WWOX: variants seen among roughly 807,000 people sequenced by gnomAD.
WWOX encodes the protein WW domain-containing oxidoreductase.
Under a neutral mutation model 46.2 loss-of-function variants are expected in WWOX, and 69 were observed. The ratio of observed to expected loss-of-function variants is 1.49; its 90% CI spans 1.23 to 1.82. WWOX has a LOEUF of 1.82. Among genes scored for constraint, WWOX ranks in the 40% most tolerant of loss-of-function variants. WWOX has a pLI of 0.00. For missense variants in WWOX, 919 were observed against 542.6 expected, an observed-to-expected ratio of 1.69 and a Z score of -6.89; for synonymous variants, 359 against 202.6, an observed-to-expected ratio of 1.77 and a Z score of -6.56.
chr16:78,690,728 T>C (rs2047966164), intron 8 of WWOX, among the ~76,000 whole-genome samples: 1 of 152,206 alleles, frequency 6.6e-6, no homozygotes, highest in African/African-American at 2.4e-5. Flanking sequence ...GATGCATGTA[T>C]GAATAAACTT....
intron 8 of WWOX, among the ~76,000 whole-genome samples, chr16:78,449,782 C>A (rs1285322204): frequency 6.6e-6 from 1 of 152,114 alleles, no homozygotes; most frequent in Non-Finnish European, 1.5e-5. Flanking sequence ...TATTTGCTTT[C>A]ATGTTGCTTT....
intron 6 of WWOX, among the ~76,000 whole-genome samples, chr16:78,402,688 C>G (rs1336498416): frequency 6.6e-6 from 1 of 152,180 alleles, no homozygotes; most frequent in African/African-American, 2.4e-5. Context: ...CAACAAGAGA[C>G]AAGGTGTTAC....
At chr16:78,999,393 C>T (rs1313849879) in intron 8 of WWOX, among the ~76,000 whole-genome samples, 3 of 152,132 alleles carry the variant, frequency 2.0e-5, no homozygotes, top group African/African-American at 4.8e-5. Flanking sequence ...TCGCTTCAAC[C>T]CAGAAGGCGG....
chr16:78,746,927 C>T (rs542631622), intron 8 of WWOX, among the ~76,000 whole-genome samples: 2 of 152,206 alleles, frequency 1.3e-5, no homozygotes, highest in South Asian at 4.1e-4. Context: ...CACCACTCCC[C>T]ATCCCTAGTG....
chr16:78,608,292 G>C (rs190487580), intron 8 of WWOX, among the ~76,000 whole-genome samples: 2 of 152,174 alleles, frequency 1.3e-5, no homozygotes, highest in African/African-American at 2.4e-5. Context: ...TAAAAGGCCA[G>C]TTTCTCTACT....
intron 8 of WWOX, among the ~76,000 whole-genome samples, chr16:78,879,635 T>A (rs553322118): frequency 6.6e-6 from 1 of 152,268 alleles, no homozygotes. Flanking sequence ...CCCAGCGCTT[T>A]GGGAGGCCGA....
intron 8 of WWOX, among the ~76,000 whole-genome samples, chr16:78,441,059 C>G (rs1417365826): frequency 6.6e-6 from 1 of 152,170 alleles, no homozygotes; most frequent in Admixed American, 6.5e-5. Flanking sequence ...TCTCCTGTGT[C>G]AGCCTCCTGA....
chr16:79,025,711 A>C (rs1170820374), intron 8 of WWOX, among the ~76,000 whole-genome samples: 1 of 151,352 alleles, frequency 6.6e-6, no homozygotes, highest in Non-Finnish European at 1.5e-5. Flanking sequence ...AAACTAATAT[A>C]CCCTTTAATG....
intron 8 of WWOX, among the ~76,000 whole-genome samples, chr16:78,580,766 C>T (rs1377682842): frequency 6.6e-6 from 1 of 152,202 alleles, no homozygotes; most frequent in Non-Finnish European, 1.5e-5. Flanking sequence ...TGTGAGAAGT[C>T]TGCTAATTAT....
At chr16:78,500,088 A>T (rs1243488962) in intron 8 of WWOX, among the ~76,000 whole-genome samples, 1 of 152,192 alleles carries the variant, frequency 6.6e-6, no homozygotes, top group East Asian at 1.9e-4. Context: ...AGCATGGTTC[A>T]AAGCACACAT....
chr16:79,040,357 C>T (rs1181776447), intron 8 of WWOX, among the ~76,000 whole-genome samples: 1 of 151,674 alleles, frequency 6.6e-6, no homozygotes. Flanking sequence ...TCACTGCCAC[C>T]TCTGCCTCCC....
chr16:78,487,970 C>G (rs531705075), intron 8 of WWOX, among the ~76,000 whole-genome samples: 2 of 152,284 alleles, frequency 1.3e-5, no homozygotes, highest in African/African-American at 4.8e-5. Flanking sequence ...CCCACCTTCC[C>G]CAAGCTTCGA....
chr16:78,860,169 A>AT (rs1203811514), intron 8 of WWOX, among the ~76,000 whole-genome samples: 3 of 152,176 alleles, frequency 2.0e-5, no homozygotes, highest in African/African-American at 7.2e-5. Context: ...TAAAATGTAG[A>AT]TTGTATTAGT....
chr16:78,935,761 AAATT>A (rs1037824994), intron 8 of WWOX, among the ~76,000 whole-genome samples: 1 of 151,988 alleles, frequency 6.6e-6, no homozygotes, highest in Non-Finnish European at 1.5e-5. Context: ...ATAAAAAAAA[AAATT>A]AGCTGGGCGT....
chr16:79,048,625 G>C (rs2656663), intron 8 of WWOX, among the ~76,000 whole-genome samples: 48,892 of 151,886 alleles, frequency 0.32, 8,527 homozygotes, highest in African/African-American at 0.45. Context: ...GTGTTTTTTT[G>C]TTTTCTCTGA....
At chr16:78,644,120 G>GC (rs1265688769) in intron 8 of WWOX, among the ~76,000 whole-genome samples, 1 of 152,144 alleles carries the variant, frequency 6.6e-6, no homozygotes, top group East Asian at 1.9e-4. Flanking sequence ...TACTCAGAAG[G>GC]CTGAGGCGGG....
chr16:79,088,362 C>T (rs912732687), intron 8 of WWOX, among the ~76,000 whole-genome samples: 1 of 152,162 alleles, frequency 6.6e-6, no homozygotes, highest in African/African-American at 2.4e-5. Context: ...AATTTTGCAG[C>T]TGGAGTTGCT....
chr16:78,389,574 T>C (rs932768747), intron 6 of WWOX, among the ~76,000 whole-genome samples: 3 of 152,174 alleles, frequency 2.0e-5, no homozygotes, highest in African/African-American at 7.2e-5. Flanking sequence ...GATTCAATTC[T>C]CAAAGCAGTC....
chr16:79,080,800 C>G (rs1418825475), intron 8 of WWOX, among the ~76,000 whole-genome samples: 1 of 152,082 alleles, frequency 6.6e-6, no homozygotes, highest in East Asian at 1.9e-4. Flanking sequence ...GGCAACATCT[C>G]TAAAAGAATT....
Sources: gnomAD v4.1 joint callset for allele counts (sites outside exome capture counted in the v4.1 genomes callset) on GRCh38, gnomAD v4.1.1 for gene constraint, MANE v1.5 for transcripts, NCBI Gene and HGNC (gene_info 2026-07-23, HGNC 2026-07-21) for gene names.